Variants in VTI1A observed in about 807,000 individuals in gnomAD.
VTI1A encodes vesicle transport through interaction with t-SNAREs 1A, also known as vesicle transport through interaction with t-SNAREs homolog 1A.
Under a neutral mutation model 34.9 loss-of-function variants are expected in VTI1A, and 22 were observed. That is an observed-to-expected ratio of 0.63 (90% CI 0.45 to 0.90). The LOEUF (loss-of-function observed/expected upper bound fraction) is 0.90. Among genes scored for constraint, VTI1A ranks in the 40% least tolerant of loss-of-function variants. VTI1A has a pLI of 0.00. For missense variants in VTI1A, 268 were observed against 275.6 expected, an observed-to-expected ratio of 0.97 and a Z score of 0.20; for synonymous variants, 87 against 97.3, an observed-to-expected ratio of 0.89 and a Z score of 0.62.
At chr10:112,766,118 G>A (rs751964152) in intron 7 of VTI1A, among the ~76,000 whole-genome samples, 1 of 152,186 alleles carries the variant, frequency 6.6e-6, no homozygotes, top group Non-Finnish European at 1.5e-5. Flanking sequence ...TGAGGTCAGG[G>A]CCAGACCTAT....
intron 7 of VTI1A, among the ~76,000 whole-genome samples, chr10:112,685,246 A>T (rs986973293): frequency 9.2e-5 from 14 of 152,124 alleles, no homozygotes; most frequent in Non-Finnish European, 1.8e-4. Flanking sequence ...CTTCCATTTC[A>T]AATTTTCTGG....
chr10:112,797,699 T>C (rs1852719462), intron 7 of VTI1A, among the ~76,000 whole-genome samples: 1 of 62,620 alleles, frequency 1.6e-5, no homozygotes, highest in Admixed American at 1.4e-4. Context: ...ACGTGAGGAT[T>C]TTTTGTTTGT....
intron 7 of VTI1A, among the ~76,000 whole-genome samples, chr10:112,774,760 A>T (rs1851909639): frequency 6.6e-6 from 1 of 152,176 alleles, no homozygotes; most frequent in Non-Finnish European, 1.5e-5. Flanking sequence ...CATTTAGAAG[A>T]GGCAATAAAT....
At chr10:112,797,474 A>C (rs1852712269) in intron 7 of VTI1A, among the ~76,000 whole-genome samples, 2 of 152,182 alleles carry the variant, frequency 1.3e-5, no homozygotes, top group Non-Finnish European at 2.9e-5. Flanking sequence ...AGTTGGCTAC[A>C]GGAGGAGCCC....
intron 5 of VTI1A, among the ~76,000 whole-genome samples, chr10:112,564,036 T>C (rs1851818467): frequency 6.6e-6 from 1 of 152,066 alleles, no homozygotes; most frequent in Non-Finnish European, 1.5e-5. Flanking sequence ...GATTAAAATA[T>C]CTACTAAAAT....
intron 7 of VTI1A, among the ~76,000 whole-genome samples, chr10:112,710,895 C>A (rs1275817709): frequency 6.6e-6 from 1 of 152,154 alleles, no homozygotes; most frequent in Non-Finnish European, 1.5e-5. Flanking sequence ...CTCAAAAGAG[C>A]TATTCTTCCA....
At chr10:112,632,730 T>C (rs1007375736) in intron 5 of VTI1A, among the ~76,000 whole-genome samples, 2 of 152,050 alleles carry the variant, frequency 1.3e-5, no homozygotes, top group Non-Finnish European at 1.5e-5. Context: ...AGGTGGAAAG[T>C]TGGGTGAGTA....
In VTI1A at chr10:112,736,111, G is replaced by GTGTATATATATATATA. The variant is rs778802494; in HGVS notation, c.560+67114_560+67115insGTATATATATATATAT. Among the ~76,000 whole-genome samples the GTGTATATATATATATA allele has an allele frequency of 2.8e-3, 323 of 116,148 alleles. 1 individual carries two copies. Among genetic ancestry groups the GTGTATATATATATATA allele is most frequent in the African/African-American group, 0.011 (291 of 26,708 alleles). 76.2% of individuals were successfully genotyped at this position (116,148 alleles called of 152,430 possible). On this transcript the variant is annotated intron_variant, in intron 7 of 7. Transcript: ENST00000393077. ...ATATTTTACATATATATGTGTGTGT[G>GTGTATATATATATATA]TATATATATATATATATATATATAT... is the stretch of plus-strand genomic sequence containing the variant.
chr10:112,448,016 C>T (rs556709350), intron 1 of VTI1A, among the ~76,000 whole-genome samples: 4 of 152,128 alleles, frequency 2.6e-5, no homozygotes, highest in African/African-American at 9.7e-5. Context: ...GCCTAGGCAA[C>T]AAGAGTGAAA....
intron 5 of VTI1A, among the ~76,000 whole-genome samples, chr10:112,590,892 GGAGTTT>G (rs1265236108): frequency 1.3e-5 from 2 of 151,732 alleles, no homozygotes; most frequent in Non-Finnish European, 1.5e-5. Context: ...CTTGAGGCCA[GGAGTTT>G]GAGACCAGCC....
At chr10:112,690,995 A>G (rs897657123) in intron 7 of VTI1A, among the ~76,000 whole-genome samples, 3 of 152,142 alleles carry the variant, frequency 2.0e-5, no homozygotes, top group African/African-American at 7.2e-5. Flanking sequence ...AGTTCGATCA[A>G]AGTGGTTCAC....
intron 5 of VTI1A, among the ~76,000 whole-genome samples, chr10:112,611,211 C>T (rs1845296771): frequency 6.6e-6 from 1 of 152,164 alleles, no homozygotes; most frequent in African/African-American, 2.4e-5. Flanking sequence ...TCCAGCGGTT[C>T]TAGGGATGAC....
rs528706663 is a variant in VTI1A, at chr10:112,704,926, C to T, written c.560+35928C>T. ...TTTCAGAGGCAGGGTCTCGCTCTGTCGACCCAGCCTGGAGTGCAGTGGCAC... is the reference window on the plus strand; with the variant it reads ...TTTCAGAGGCAGGGTCTCGCTCTGTTGACCCAGCCTGGAGTGCAGTGGCAC... On this transcript the variant is annotated intron_variant, in intron 7 of 7. Transcript: ENST00000393077. 4.6e-5 allele frequency among the ~76,000 whole-genome samples: 7 copies of T among 152,130 alleles called. No homozygotes were observed. The East Asian group carries it at 5.8e-4, about 13-fold the overall frequency.
chr10:112,536,587 TA>T (rs1338223029), intron 4 of VTI1A, among the ~76,000 whole-genome samples: 1 of 152,014 alleles, frequency 6.6e-6, no homozygotes. Flanking sequence ...TTTATATTTA[TA>T]TTTTTTTTTT....
At chr10:112,618,514 T>TAGAGAGAGAGAGAGAGAGAGAG (rs1418805647) in intron 5 of VTI1A, among the ~76,000 whole-genome samples, 1 of 42,518 alleles carries the variant, frequency 2.4e-5, no homozygotes, top group East Asian at 9.3e-4. Flanking sequence ...TATATATATA[T>TAGAGAGAGAGAGAGAGAGAGAG]ATATATATAT....
At chr10:112,757,637 C>T (rs906445029) in intron 7 of VTI1A, among the ~76,000 whole-genome samples, 14 of 152,170 alleles carry the variant, frequency 9.2e-5, no homozygotes, top group African/African-American at 2.6e-4. Context: ...CTGCCCACCT[C>T]GTCCTGCCAA....
At chr10:112,599,816 G>C (rs1844813200) in intron 5 of VTI1A, among the ~76,000 whole-genome samples, 1 of 152,130 alleles carries the variant, frequency 6.6e-6, no homozygotes, top group African/African-American at 2.4e-5. Flanking sequence ...CTGGGCTCAA[G>C]GATGATCTTG....
chr10:112,694,488 A>G (rs768872334), intron 7 of VTI1A, among the ~76,000 whole-genome samples: 2 of 152,088 alleles, frequency 1.3e-5, no homozygotes, highest in Non-Finnish European at 2.9e-5. Context: ...ACCTTTCTGC[A>G]TTTTAGTTAA....
chr10:112,566,436 C>T (rs912769782), intron 5 of VTI1A, among the ~76,000 whole-genome samples: 6 of 152,118 alleles, frequency 3.9e-5, no homozygotes, highest in Admixed American at 6.5e-5. Flanking sequence ...ATACTTTTGT[C>T]AAATACATGA....
Sources: allele counts gnomAD v4.1 joint callset (sites outside exome capture counted in the v4.1 genomes callset), GRCh38; gene constraint gnomAD v4.1.1; transcripts MANE v1.5; gene names NCBI Gene and HGNC (gene_info 2026-07-23, HGNC 2026-07-21).